The following RAPGEF2 variants were observed in gnomAD, a reference collection of about 807,000 sequenced individuals.
RAPGEF2 encodes the protein PDZ domain containing guanine nucleotide exchange factor (GEF) 1.
A neutral mutation model predicts 186.7 loss-of-function variants in RAPGEF2; 54 were observed. The ratio of observed to expected loss-of-function variants is 0.29; its 90% CI spans 0.23 to 0.36. The LOEUF (loss-of-function observed/expected upper bound fraction) is 0.36, where lower values mean the gene tolerates loss of function less well. RAPGEF2 is among the 10% of genes least tolerant of loss of function. The probability of loss-of-function intolerance (pLI) is 1.00; values close to 1 mark genes in which losing one functional copy is unlikely to be tolerated. For synonymous variants in RAPGEF2, 712 were observed against 705.9 expected, an observed-to-expected ratio of 1.01 and a Z score of -0.14; for missense variants, 1,532 against 2,045.0, an observed-to-expected ratio of 0.75 and a Z score of 4.84.
chr4:159,228,584 G>A (rs554200170), intron 4 of RAPGEF2, among the ~76,000 whole-genome samples: 4 of 152,160 alleles, frequency 2.6e-5, no homozygotes, highest in Non-Finnish European at 5.9e-5. Context: ...TTTATGTGGG[G>A]TGATGATTGT....
In RAPGEF2 at chr4:159,330,399, A is replaced by G; in HGVS notation, c.1368A>G (p.Ile456Met). The change falls in exon 13 of 30, where the codon ATA becomes ATG. Residue 456 changes from isoleucine to methionine, a missense_variant. Physicochemically the swap from Ile to Met is conservative, Grantham distance 10. Transcript: ENST00000691494. ...ATTCAGTAGTAGATCCAACATTCAT[A>G]GAAGACTTTCTGTTGACCTATAGGA... ...EEHSVVDPTF[I>M]EDFLLTYRTF... is the part of the protein sequence containing the mutation. 6.2e-7 allele frequency: 1 copy of G among 1,605,542 alleles called. No homozygotes were observed. The highest frequency in any genetic ancestry group is 8.5e-7 in the Non-Finnish European group (1 of 1,177,730).
intron 1 of RAPGEF2, among the ~76,000 whole-genome samples, chr4:159,120,428 C>T (rs543906485): frequency 6.6e-6 from 1 of 152,288 alleles, no homozygotes; most frequent in African/African-American, 2.4e-5. Flanking sequence ...AACTTTATGT[C>T]TTTAAGAAAA....
In RAPGEF2 at chr4:159,358,930, C is replaced by T. The variant is rs1732423040; in HGVS notation, c.*791C>T. On this transcript the variant is annotated 3_prime_UTR_variant, in exon 30 of 30. Transcript: ENST00000691494. ...TGTTAGCCAATTAATACCAAGACAC[C>T]TCATCTGCTCCTTCCCCAGTGGATG... The T allele has an allele frequency of 1.3e-5, 2 of 152,178 alleles. No individual in the cohort carries two copies. The highest frequency in any genetic ancestry group is 4.8e-5 in the African/African-American group (2 of 41,422). The allele number at this position is 152,178 out of a possible 1,614,324, so 9.4% of individuals were successfully genotyped here.
At chr4:159,171,542 G>A (rs1201338455) in intron 1 of RAPGEF2, among the ~76,000 whole-genome samples, 1 of 152,034 alleles carries the variant, frequency 6.6e-6, no homozygotes, top group African/African-American at 2.4e-5. Flanking sequence ...CAGGGGAATT[G>A]CCTGGAAAGG....
intron 7 of RAPGEF2, among the ~76,000 whole-genome samples, chr4:159,271,503 TAAG>T (rs1050665639): frequency 6.6e-6 from 1 of 152,196 alleles, no homozygotes; most frequent in African/African-American, 2.4e-5. Flanking sequence ...TCTCAATTCT[TAAG>T]AAACAGTATT....
rs1201926299 is a variant in RAPGEF2 at position 159,331,658 on chromosome 4, A to G, written c.1604A>G (p.Asn535Ser). 3.1e-6 allele frequency: 5 copies of G among 1,614,162 alleles called. No individual in the cohort carries two copies. Among genetic ancestry groups the G allele is most frequent in the South Asian group, 1.1e-5 (1 of 91,084 alleles). Reference sequence around the variant, plus strand: ...ATGGGTGGACACCTAAGGCTGTTGAATATCGCGTGTGCTGCTAAAGCAAAA... The same window carrying G: ...ATGGGTGGACACCTAAGGCTGTTGAGTATCGCGTGTGCTGCTAAAGCAAAA... ...EKMGGHLRLL[N>S]IACAAKAKRR... Residue 535 changes from asparagine to serine, a missense_variant, in exon 15 of 30, where the codon AAT becomes AGT. Coordinates refer to ENST00000691494, the MANE Select transcript of RAPGEF2 (RefSeq NM_001394067.2).
chr4:159,248,178 T>C (rs1754877268), intron 7 of RAPGEF2, among the ~76,000 whole-genome samples: 1 of 152,198 alleles, frequency 6.6e-6, no homozygotes, highest in East Asian at 1.9e-4. Context: ...ATATTGTATA[T>C]GAATATAAAT....
chr4:159,334,044 C>T (rs1164643165), intron 17 of RAPGEF2, among the ~76,000 whole-genome samples: 2 of 152,114 alleles, frequency 1.3e-5, no homozygotes, highest in East Asian at 1.9e-4. Context: ...TTTGTATCAG[C>T]AGTCTTCTAT....
chr4:159,135,454 CTCT>C (rs1283918154), intron 1 of RAPGEF2, among the ~76,000 whole-genome samples: 2 of 152,142 alleles, frequency 1.3e-5, no homozygotes, highest in Admixed American at 1.3e-4. Flanking sequence ...TACCTTTTGG[CTCT>C]TATGAATGAT....
chr4:159,352,666 G>C lies in RAPGEF2; in HGVS notation c.3866-19G>C, dbSNP rs375301985. The stretch of plus-strand genomic sequence containing the variant: ...TAAACCTAGAGAGTCTAATTAATAC[G>C]GTTGTATTTCTCATGCAGGCTATAC... On this transcript the variant is annotated intron_variant, in intron 26 of 29. Coordinates refer to ENST00000691494, the MANE Select transcript of RAPGEF2 (RefSeq NM_001394067.2). 5.7e-6 allele frequency: 9 copies of C among 1,568,594 alleles called. No homozygotes were observed. The Admixed American group carries it at 6.7e-5, about 12-fold the overall frequency.
chr4:159,131,126 G>C (rs919460199), intron 1 of RAPGEF2, among the ~76,000 whole-genome samples: 2 of 145,496 alleles, frequency 1.4e-5, no homozygotes, highest in East Asian at 2.0e-4. Flanking sequence ...GAGAGAGAGA[G>C]AGAGACAGAA....
chr4:159,196,026 C>T (rs1355709073), intron 3 of RAPGEF2, among the ~76,000 whole-genome samples: 1 of 151,750 alleles, frequency 6.6e-6, no homozygotes, highest in Non-Finnish European at 1.5e-5. Flanking sequence ...TAGCACCTGC[C>T]CGTATTTGAC....
intron 11 of RAPGEF2, among the ~76,000 whole-genome samples, chr4:159,326,501 G>A (rs772577636): frequency 1.5e-4 from 23 of 152,206 alleles, no homozygotes; most frequent in Non-Finnish European, 2.9e-4. Flanking sequence ...AGATGGTTGA[G>A]CTCATGTTAA....
intron 7 of RAPGEF2, among the ~76,000 whole-genome samples, chr4:159,293,453 A>G (rs909873668): frequency 6.6e-6 from 1 of 152,216 alleles, no homozygotes; most frequent in South Asian, 2.1e-4. Flanking sequence ...TTTTCAATAA[A>G]TGTCGTTTGA....
At chr4:159,256,018 C>G (rs1341936372) in intron 7 of RAPGEF2, among the ~76,000 whole-genome samples, 2 of 152,154 alleles carry the variant, frequency 1.3e-5, no homozygotes, top group East Asian at 3.9e-4. Context: ...GTCTAGCATG[C>G]TGTTGAACTG....
At chr4:159,118,535 C>A (rs1011753294) in intron 1 of RAPGEF2, among the ~76,000 whole-genome samples, 11 of 141,928 alleles carry the variant, frequency 7.8e-5, no homozygotes, top group Non-Finnish European at 1.5e-4. Flanking sequence ...TGAAACTGGT[C>A]CCTGGTGCCA....
intron 11 of RAPGEF2, chr4:159,326,654 T>C (rs1765965049): frequency 6.6e-6 from 1 of 152,220 alleles, no homozygotes; most frequent in Non-Finnish European, 1.5e-5. Flanking sequence ...TCTTACTCCC[T>C]GTCTGGTGTG....
intron 2 of RAPGEF2, among the ~76,000 whole-genome samples, chr4:159,190,733 C>G (rs907872656): frequency 6.6e-6 from 1 of 152,130 alleles, no homozygotes; most frequent in Admixed American, 6.5e-5. Flanking sequence ...GGGGAAGCCC[C>G]TTATAAAACC....
chr4:159,343,765 A>G (rs1256710220), intron 22 of RAPGEF2, among the ~76,000 whole-genome samples: 3 of 152,356 alleles, frequency 2.0e-5, no homozygotes, highest in South Asian at 2.1e-4. Flanking sequence ...CCACACAACA[A>G]ATTTAGCTAG....
Sources: gnomAD v4.1 joint callset for allele counts (sites outside exome capture counted in the v4.1 genomes callset) on GRCh38, gnomAD v4.1.1 for gene constraint, MANE v1.5 for transcripts, NCBI Gene and HGNC (gene_info 2026-07-23, HGNC 2026-07-21) for gene names.